FBN2: variants seen among roughly 807,000 people sequenced by gnomAD.
The protein encoded by FBN2 is fibrillin 2, also known as fibrillin-2.
A neutral mutation model predicts 355.6 loss-of-function variants in FBN2; 105 were observed. The observed-to-expected ratio is 0.30, with a 90% CI of 0.25 to 0.35. The LOEUF is 0.35. Ranked by LOEUF, FBN2 falls within the 10% of genes least tolerant of loss-of-function variation. FBN2 has a pLI of 1.00. For missense variants in FBN2, 3,280 were observed against 3,758.7 expected (o/e 0.87, Z 3.33); for synonymous variants, 1,350 against 1,301.2 (o/e 1.04, Z -0.81).
In FBN2 at chr5:128,277,914, G is replaced by A. The variant is rs781066710; in HGVS notation, c.7437C>T (p.Gly2479=). 7 of 1,614,132 alleles carry A rather than the reference G, an allele frequency of 4.3e-6. No homozygotes were observed. The highest frequency in any genetic ancestry group is 1.7e-5 in the Admixed American group (1 of 60,020). Residue 2479 remains glycine (G), a synonymous_variant, in exon 58 of 65, where the codon GGC becomes GGT. Coordinates refer to ENST00000262464, the MANE Select transcript of FBN2 (RefSeq NM_001999.4). ...AGGTTCCACTGATGTCTGTGGTGTA[G>A]CCAACCTTGCAGAAGCATCGGAATG... ...MGSFRCFCKV[G]YTTDISGTSC... is the part of the protein sequence containing the mutation.
At chr5:128,488,085 G>T (rs1327682909) in intron 5 of FBN2, among the ~76,000 whole-genome samples, 1 of 152,074 alleles carries the variant, frequency 6.6e-6, no homozygotes, top group Non-Finnish European at 1.5e-5. Flanking sequence ...TTTCCTACTG[G>T]CAATTTAATA....
At chr5:128,317,616 T>C (rs968349012) in intron 36 of FBN2, among the ~76,000 whole-genome samples, 7 of 152,106 alleles carry the variant, frequency 4.6e-5, no homozygotes, top group African/African-American at 1.4e-4. Flanking sequence ...GTGCAGATAG[T>C]AAAAGCTGGA....
intron 7 of FBN2, among the ~76,000 whole-genome samples, chr5:128,436,666 TAAAA>T (rs954029413): frequency 7.2e-6 from 1 of 138,020 alleles, no homozygotes; most frequent in Non-Finnish European, 1.6e-5. Context: ...TGGCTCCACT[TAAAA>T]AAAAAAAAAA....
At chr5:128,457,805 A>T (rs112782567) in intron 6 of FBN2, among the ~76,000 whole-genome samples, 1 of 152,014 alleles carries the variant, frequency 6.6e-6, no homozygotes, top group Non-Finnish European at 1.5e-5. Flanking sequence ...TGAAAGAAGC[A>T]CTAAATATGG....
intron 7 of FBN2, among the ~76,000 whole-genome samples, chr5:128,434,911 T>C (rs1029184554): frequency 1.3e-5 from 2 of 152,146 alleles, no homozygotes; most frequent in African/African-American, 4.8e-5. Flanking sequence ...ACACATCTAA[T>C]TTTATGTCTC....
At chr5:128,305,712 T>C (rs1464315724) in intron 43 of FBN2, 76 bp from the exon 44 acceptor site, 2 of 1,600,348 alleles carry the variant, frequency 1.2e-6, no homozygotes, top group Non-Finnish European at 1.7e-6. Context: ...CACACTTTGA[T>C]GATCAACTCT....
At chr5:128,469,848 A>C (rs1754809160) in intron 5 of FBN2, among the ~76,000 whole-genome samples, 2 of 152,222 alleles carry the variant, frequency 1.3e-5, no homozygotes, top group Non-Finnish European at 2.9e-5. Context: ...TGGTAATAGA[A>C]GACAATCAGG....
intron 23 of FBN2, among the ~76,000 whole-genome samples, chr5:128,346,685 T>G (rs1254086458): frequency 2.6e-5 from 4 of 152,148 alleles, no homozygotes; most frequent in African/African-American, 9.7e-5. Flanking sequence ...ATGCTTATAA[T>G]TTCAGCACTT....
intron 6 of FBN2, among the ~76,000 whole-genome samples, chr5:128,463,466 G>A (rs951961399): frequency 2.0e-5 from 3 of 151,904 alleles, no homozygotes; most frequent in East Asian, 3.9e-4. Flanking sequence ...ATATAAAGTC[G>A]GTAAATGTTT....
chr5:128,428,083 T>C (rs940882385), intron 7 of FBN2, among the ~76,000 whole-genome samples: 1 of 152,162 alleles, frequency 6.6e-6, no homozygotes, highest in Non-Finnish European at 1.5e-5. Context: ...TCAGCCTTCA[T>C]AATACATCTG....
At chr5:128,284,937 T>C (rs886712511) in intron 55 of FBN2, among the ~76,000 whole-genome samples, 1 of 152,220 alleles carries the variant, frequency 6.6e-6, no homozygotes. Context: ...CAAAGATTGT[T>C]GGATAAACTT....
In FBN2 at chr5:128,425,267, C is replaced by A. The variant is rs191088199; in HGVS notation, c.953-16468G>T. On this transcript the variant is annotated intron_variant, in intron 7 of 64. Transcript: ENST00000262464. ...ACAATTAAGTGACAAGCTGTGAAAA[C>A]CATGTCCTCCAGAAAATTTCTTTCA... Among the ~76,000 whole-genome samples the A allele has an allele frequency of 2.3e-4, 35 of 152,192 alleles. 1 individual carries two copies. The highest frequency in any genetic ancestry group is 7.9e-4 in the Admixed American group (12 of 15,286).
Position 128,328,870 on chromosome 5 carries a change from C to T in FBN2, c.4346-49G>A, listed in dbSNP as rs776299730. 3 of 1,604,342 alleles carry T rather than the reference C, an allele frequency of 1.9e-6. No individual in the cohort carries two copies. The Admixed American group carries it at 5.0e-5, about 27-fold the overall frequency. ...CTCTGTTAAGTTCCAAATTTCATGA[C>T]ACATTTTCTCCTTGCTCTATAAATA... On this transcript the variant is annotated intron_variant, in intron 33 of 64. Coordinates refer to ENST00000262464, the MANE Select transcript of FBN2 (RefSeq NM_001999.4).
chr5:128,488,491 T>C (rs938218853), intron 5 of FBN2, among the ~76,000 whole-genome samples: 12 of 152,002 alleles, frequency 7.9e-5, no homozygotes, highest in Non-Finnish European at 1.8e-4. Flanking sequence ...ATTTTATTTC[T>C]TTTTTTTAAT....
At chr5:128,289,834 A>C in intron 51 of FBN2, 48 bp downstream of exon 51, 1 of 1,032,336 alleles carries the variant, frequency 9.7e-7, no homozygotes, top group Non-Finnish European at 1.5e-6. Flanking sequence ...GTAAAATAAT[A>C]CGTGTGTATT....
intron 5 of FBN2, among the ~76,000 whole-genome samples, chr5:128,479,976 CTATATATATA>C (rs200921131): frequency 0.016 from 460 of 28,916 alleles, 4 homozygotes; most frequent in South Asian, 0.031. Flanking sequence ...CTCTCTCTCT[CTATATATATA>C]TATATATATA....
intron 5 of FBN2, among the ~76,000 whole-genome samples, chr5:128,512,709 A>T (rs1266027813): frequency 6.6e-6 from 1 of 152,142 alleles, no homozygotes; most frequent in South Asian, 2.1e-4. Context: ...CAATAAAAAC[A>T]TCATCAAGCC....
intron 55 of FBN2, among the ~76,000 whole-genome samples, chr5:128,282,718 A>C (rs891127483): frequency 6.6e-6 from 1 of 152,158 alleles, no homozygotes; most frequent in Non-Finnish European, 1.5e-5. Flanking sequence ...TGCTCTACCT[A>C]AATAATGTTG....
At chr5:128,303,842 T>G (rs1265055976) in intron 45 of FBN2, among the ~76,000 whole-genome samples, 1 of 152,206 alleles carries the variant, frequency 6.6e-6, no homozygotes, top group Non-Finnish European at 1.5e-5. Context: ...TATTTTTTTT[T>G]GGTAAATCAT....
Sources: allele counts gnomAD v4.1 joint callset (sites outside exome capture counted in the v4.1 genomes callset), GRCh38; gene constraint gnomAD v4.1.1; transcripts MANE v1.5; gene names NCBI Gene and HGNC (gene_info 2026-07-23, HGNC 2026-07-21).